Variants in PCDH11Y observed in about 807,000 individuals in gnomAD.
The protein encoded by PCDH11Y is protocadherin 11 Y-linked, also known as protocadherin-11 Y-linked.
For synonymous variants in PCDH11Y, 9 were observed against 83.6 expected (o/e 0.11, Z 4.87); for missense variants, 12 against 224.8 (o/e 0.05, Z 6.05).
At chrY:5,016,022 C>T in intron 1 of PCDH11Y, among the ~76,000 whole-genome samples, 2 of 30,119 alleles carry the variant, frequency 6.6e-5, no homozygotes, top group Admixed American at 3.1e-4. Flanking sequence ...TCCCCAGCTA[C>T]GTGGAACTGT....
intron 3 of PCDH11Y, among the ~76,000 whole-genome samples, chrY:5,544,144 C>A: frequency 3.0e-5 from 1 of 33,070 alleles, no homozygotes; most frequent in African/African-American, 1.2e-4. Context: ...TTACAAAGTG[C>A]AGCTTTACAT....
intron 4 of PCDH11Y, among the ~76,000 whole-genome samples, chrY:5,623,912 C>T: frequency 3.0e-5 from 1 of 33,827 alleles, no homozygotes; most frequent in African/African-American, 1.1e-4. Flanking sequence ...AACTGCTTTT[C>T]ACAGTGGCTG....
At position 5,486,119 on chromosome Y, in the gene PCDH11Y, T is replaced by G. The variant is rs2124686275; in HGVS notation, c.3130-14938T>G. 9.1e-5 allele frequency among the ~76,000 whole-genome samples: 3 copies of G among 32,926 alleles called. No homozygotes were observed. In the South Asian group the frequency reaches 2.0e-3, roughly 22 times the overall value. 88.3% of individuals were successfully genotyped at this position (32,926 alleles called of 37,273 possible). A position where few individuals can be genotyped will look rare whatever the true frequency, so the allele number is the denominator to read the frequency against. The stretch of plus-strand genomic sequence containing the variant: ...ACAAATGAATATTAGATGTGGAAGC[T>G]TCACAATATGCTACATTTCTGGTAT... On this transcript the variant is annotated intron_variant, in intron 2 of 4. Transcript: ENST00000400457.
chrY:5,159,898 C>T (rs2052873001), intron 2 of PCDH11Y, among the ~76,000 whole-genome samples: 1 of 29,968 alleles, frequency 3.3e-5, no homozygotes, highest in African/African-American at 1.3e-4. Flanking sequence ...CTAATGTATA[C>T]ACCAAAAGAT....
intron 2 of PCDH11Y, among the ~76,000 whole-genome samples, chrY:5,460,025 T>C: frequency 3.0e-5 from 1 of 33,118 alleles, no homozygotes; most frequent in African/African-American, 1.2e-4. Context: ...TTTTTTCTGA[T>C]AAAAGTACTA....
chrY:5,717,509 T>C (rs2053590907), intron 4 of PCDH11Y, among the ~76,000 whole-genome samples: 1 of 33,570 alleles, frequency 3.0e-5, no homozygotes, highest in African/African-American at 1.2e-4. Flanking sequence ...GTGTGCACAA[T>C]ATCATTGATT....
At chrY:5,041,887 T>G (rs2052613512) in intron 3 of PCDH11Y, among the ~76,000 whole-genome samples, 1 of 33,431 alleles carries the variant, frequency 3.0e-5, no homozygotes, top group African/African-American at 1.2e-4. Flanking sequence ...TCATGTGTTT[T>G]TTGGCTGCAT....
intron 2 of PCDH11Y, among the ~76,000 whole-genome samples, chrY:5,462,816 A>G: frequency 3.2e-5 from 1 of 31,566 alleles, no homozygotes; most frequent in African/African-American, 1.3e-4. Flanking sequence ...TTGTATTTTT[A>G]GTAGAGACAG....
intron 2 of PCDH11Y, among the ~76,000 whole-genome samples, chrY:5,486,706 CACATATATATATATATATAT>C (rs2053332526): frequency 0.019 from 91 of 4,736 alleles, no homozygotes; most frequent in Admixed American, 0.02. Context: ...TATATATATA[CACATATATATATATATATAT>C]ACACATATAT....
At chrY:5,626,554 T>C in intron 4 of PCDH11Y, among the ~76,000 whole-genome samples, 1 of 32,867 alleles carries the variant, frequency 3.0e-5, no homozygotes, top group South Asian at 6.8e-4. Context: ...CTATAAAAGT[T>C]CCTTTTAACA....
At chrY:5,465,002 T>C (rs2573762) in intron 2 of PCDH11Y, among the ~76,000 whole-genome samples, 4 of 33,683 alleles carry the variant, frequency 1.2e-4, no homozygotes, top group Admixed American at 5.5e-4. Flanking sequence ...GTTTCACCCA[T>C]GTAACTCATT....
chrY:5,542,469 A>G (rs2124693117), intron 3 of PCDH11Y, among the ~76,000 whole-genome samples: 1 of 32,044 alleles, frequency 3.1e-5, no homozygotes, highest in South Asian at 7.0e-4. Flanking sequence ...TGTGTCTCCT[A>G]CAGAACCACA....
At chrY:5,244,456 G>A (rs1602892612) in intron 2 of PCDH11Y, among the ~76,000 whole-genome samples, 7 of 33,134 alleles carry the variant, frequency 2.1e-4, no homozygotes, top group Non-Finnish European at 3.7e-4. Flanking sequence ...GGACTGACTC[G>A]GCAGCTGGCG....
At chrY:5,410,197 A>T in intron 2 of PCDH11Y, among the ~76,000 whole-genome samples, 1 of 32,004 alleles carries the variant, frequency 3.1e-5, no homozygotes, top group South Asian at 7.1e-4. Context: ...GTGAAACCTC[A>T]TCTCTACTAA....
At chrY:5,520,921 C>G (rs2053380146) in intron 3 of PCDH11Y, among the ~76,000 whole-genome samples, 1 of 30,489 alleles carries the variant, frequency 3.3e-5, no homozygotes, top group Non-Finnish European at 7.9e-5. Context: ...ATTATTTTTA[C>G]TTAATTATTC....
At chrY:5,713,913 G>A (rs1602963249) in intron 4 of PCDH11Y, among the ~76,000 whole-genome samples, 2 of 25,442 alleles carry the variant, frequency 7.9e-5, no homozygotes, top group Non-Finnish European at 9.3e-5. Flanking sequence ...TTTTTTTTTT[G>A]TTTTGGAGTC....
intron 2 of PCDH11Y, among the ~76,000 whole-genome samples, chrY:5,248,859 G>A (rs2053000366): frequency 9.1e-5 from 3 of 32,931 alleles, no homozygotes; most frequent in African/African-American, 3.6e-4. Context: ...ACTTAAGCTG[G>A]TAAGCAATTT....
chrY:5,486,954 G>A (rs2053333852), intron 2 of PCDH11Y, among the ~76,000 whole-genome samples: 1 of 23,202 alleles, frequency 4.3e-5, no homozygotes, highest in African/African-American at 1.8e-4. Flanking sequence ...GGGTTTCACC[G>A]TGTTAGCCAG....
intron 2 of PCDH11Y, among the ~76,000 whole-genome samples, chrY:5,182,192 C>T: frequency 3.0e-5 from 1 of 32,831 alleles, no homozygotes; most frequent in African/African-American, 1.2e-4. Flanking sequence ...CTGCAGTTTG[C>T]TGGGGGTCTG....
Sources: allele counts gnomAD v4.1 joint callset (sites outside exome capture counted in the v4.1 genomes callset), GRCh38; gene constraint gnomAD v4.1.1; transcripts MANE v1.5; gene names NCBI Gene and HGNC (gene_info 2026-07-23, HGNC 2026-07-21).